Variants in ITPKB observed in about 807,000 individuals in gnomAD.
ITPKB encodes inositol-trisphosphate 3-kinase B.
ITPKB carries 13 observed loss-of-function variants against 69.4 expected under a neutral mutation model. That is an observed-to-expected ratio of 0.19 (90% CI 0.12 to 0.30). ITPKB has a LOEUF of 0.30. Among genes scored for constraint, ITPKB ranks in the 10% least tolerant of loss-of-function variants. The pLI, the probability that ITPKB is intolerant of heterozygous loss-of-function variation, is 1.00. For missense variants in ITPKB, 1,240 were observed against 1,250.5 expected (o/e 0.99, Z 0.13); for synonymous variants, 584 against 513.7 (o/e 1.14, Z -1.85).
chr1:226,737,171 G>C lies in ITPKB; in HGVS notation c.288C>G (p.Ser96Arg), dbSNP rs755020532. ...GACCAGCCCAACTTGGGCTGCTCAC[G>C]CTACTGCCGCTGCTGCCGCTGCCAC... ...SGSGSGSSGS[S>R]VSSPSWAGRL... is the part of the protein sequence containing the mutation. Residue 96 changes from serine to arginine, a missense_variant, in exon 2 of 8, where the codon AGC becomes AGG. Transcript: ENST00000429204. 3 of 1,579,144 alleles carry C rather than the reference G, an allele frequency of 1.9e-6. No homozygotes were observed. Among genetic ancestry groups the C allele is most frequent in the South Asian group, 1.1e-5 (1 of 90,148 alleles).
rs201233756 is a variant in ITPKB, at chr1:226,642,026, G to T, written c.2346C>A (p.Thr782=). ...CAGCCCGCTGTGCTTTTTCCTCCTC[G>T]GTGGGGGCCTCGGGGTCCACCTCGA... is the stretch of plus-strand genomic sequence containing the variant. ...KMIEVDPEAP[T]EEEKAQRAVT... Residue 782 remains threonine, a synonymous_variant, in exon 5 of 8, where the codon ACC becomes ACA. Transcript: ENST00000429204. The surrounding 1 kb of genome is among the most constrained non-coding windows in gnomAD (Gnocchi z 6.4). 6 of 1,614,100 alleles carry T rather than the reference G, an allele frequency of 3.7e-6. No homozygotes were observed. Among genetic ancestry groups the T allele is most frequent in the Non-Finnish European group, 4.2e-6 (5 of 1,180,050 alleles).
chr1:226,674,394 T>G (rs984334623), intron 2 of ITPKB, among the ~76,000 whole-genome samples: 1 of 152,114 alleles, frequency 6.6e-6, no homozygotes, highest in Admixed American at 6.5e-5. Context: ...AGATGGGGTT[T>G]CACCATCTTG....
intron 2 of ITPKB, among the ~76,000 whole-genome samples, chr1:226,706,185 A>G (rs1295183104): frequency 3.3e-5 from 5 of 152,254 alleles, no homozygotes. Flanking sequence ...AGGCAGTACG[A>G]AATTTAGAAA....
chr1:226,691,933 C>A (rs190788234), intron 2 of ITPKB, among the ~76,000 whole-genome samples: 1 of 152,312 alleles, frequency 6.6e-6, no homozygotes, highest in African/African-American at 2.4e-5. Context: ...CACCTGGAGT[C>A]TGTAGCACTC....
intron 2 of ITPKB, among the ~76,000 whole-genome samples, chr1:226,680,584 C>CA (rs1656061942): frequency 6.6e-6 from 1 of 152,078 alleles, no homozygotes; most frequent in Non-Finnish European, 1.5e-5. Context: ...AAATATCCCA[C>CA]AGTACAAGAA....
rs1668763223 is a variant in ITPKB, at chr1:226,633,341, C to T, written c.*1330G>A. On this transcript the variant is annotated 3_prime_UTR_variant, in exon 8 of 8. Transcript: ENST00000429204. The stretch of plus-strand genomic sequence containing the variant: ...ACTCTCCCAGCTCCTGTACCTCTGA[C>T]AGCAAAGGAGTGGGTGGCAAGCCCC... The T allele has an allele frequency of 6.6e-6, 1 of 152,240 alleles. No individual in the cohort carries two copies. The highest frequency in any genetic ancestry group is 2.1e-4 in the South Asian group (1 of 4,826). The allele number at this position is 152,240 out of a possible 1,614,324, so 9.4% of individuals were successfully genotyped here.
chr1:226,734,600 C>A (rs1050414421), intron 2 of ITPKB, among the ~76,000 whole-genome samples: 5 of 152,210 alleles, frequency 3.3e-5, no homozygotes, highest in African/African-American at 4.8e-5. Context: ...CAGACCTTTT[C>A]AGAAGTGCTA....
intron 7 of ITPKB, among the ~76,000 whole-genome samples, chr1:226,635,525 G>A (rs966417979): frequency 6.6e-6 from 1 of 152,108 alleles, no homozygotes; most frequent in Non-Finnish European, 1.5e-5. Flanking sequence ...ACTGCACCTG[G>A]GCAAACTTTC....
chr1:226,735,915 T>G lies in ITPKB; in HGVS notation c.1544A>C (p.Lys515Thr). ...NSRVWQGTMEKAGLAWTRGTG... is the reference protein window; with the variant it reads ...NSRVWQGTMETAGLAWTRGTG... ...GCCACGCGTCCAAGCCAAACCGGCT[T>G]TCTCCATGGTGCCCTGCCAAACCCT... The change falls in exon 2 of 8, where the codon AAA becomes ACA. Residue 515 changes from lysine (K) to threonine (T), a missense_variant. By Grantham distance (78) the Lys-to-Thr change is moderately conservative (BLOSUM62 -1). Transcript: ENST00000429204. 6.2e-7 allele frequency: 1 copy of G among 1,613,710 alleles called. No individual in the cohort carries two copies.
chr1:226,642,248 T>A lies in ITPKB; in HGVS notation c.2247-123A>T, dbSNP rs1409402941. The A allele has an allele frequency of 1.4e-6, 1 of 736,416 alleles. No homozygotes were observed. Among genetic ancestry groups the A allele is most frequent in the Non-Finnish European group, 2.2e-6 (1 of 445,062 alleles). 45.6% of individuals were successfully genotyped at this position (736,416 alleles called of 1,614,324 possible). ...TGCCCAACAGCTGCAGTCAGCTCAG[T>A]GCCCTGAGTCAAGGCACGTCTTTCC... On this transcript the variant is annotated intron_variant, in intron 4 of 7. Coordinates refer to ENST00000429204, the MANE Select transcript of ITPKB (RefSeq NM_002221.4). The surrounding 1 kb of genome is among the most constrained non-coding windows in gnomAD (Gnocchi z 6.4).
intron 2 of ITPKB, among the ~76,000 whole-genome samples, chr1:226,689,679 T>C (rs1035479593): frequency 2.0e-5 from 3 of 151,978 alleles, no homozygotes; most frequent in South Asian, 2.1e-4. Flanking sequence ...GGTAAACTTT[T>C]GTCATGGGGG....
chr1:226,713,529 C>T (rs534327239), intron 2 of ITPKB, among the ~76,000 whole-genome samples: 1 of 152,366 alleles, frequency 6.6e-6, no homozygotes, highest in East Asian at 1.9e-4. Flanking sequence ...TATCTCCTCA[C>T]CCCAGGGCCA....
At chr1:226,666,883 A>G (rs987514015) in intron 2 of ITPKB, among the ~76,000 whole-genome samples, 5 of 152,110 alleles carry the variant, frequency 3.3e-5, no homozygotes, top group African/African-American at 9.7e-5. Context: ...TGGACTCTCA[A>G]GGGCTCTCGC....
intron 2 of ITPKB, among the ~76,000 whole-genome samples, chr1:226,662,672 C>T (rs1457338692): frequency 1.3e-5 from 2 of 152,206 alleles, no homozygotes; most frequent in Non-Finnish European, 2.9e-5. Flanking sequence ...TTTGGGAACT[C>T]CCACTTAAGG....
At chr1:226,686,594 C>G (rs1656221714) in intron 2 of ITPKB, among the ~76,000 whole-genome samples, 1 of 152,294 alleles carries the variant, frequency 6.6e-6, no homozygotes, top group South Asian at 2.1e-4. Flanking sequence ...GTGTAACGTG[C>G]CCTCCATCCC....
chr1:226,705,799 C>CT (rs1156555555), intron 2 of ITPKB, among the ~76,000 whole-genome samples: 1 of 152,198 alleles, frequency 6.6e-6, no homozygotes, highest in Non-Finnish European at 1.5e-5. Flanking sequence ...GAGGACAGAT[C>CT]TTTGAGGCCC....
At position 226,647,599 on chromosome 1, in the gene ITPKB, G is replaced by A. The variant is rs569446991; in HGVS notation, c.2033-219C>T. The stretch of plus-strand genomic sequence containing the variant: ...TCTGAGCTGGTTCCCCAGCTTCCTT[G>A]ACTCCAGACTCCTCCTCACCAGTGT... On this transcript the variant is annotated intron_variant, in intron 3 of 7. Coordinates refer to ENST00000429204, the MANE Select transcript of ITPKB (RefSeq NM_002221.4). Among the ~76,000 whole-genome samples, 422 of 152,332 alleles carry A rather than the reference G, an allele frequency of 2.8e-3. 2 individuals are homozygous for A. The highest frequency in any genetic ancestry group is 9.3e-3 in the African/African-American group (387 of 41,572).
chr1:226,683,792 TGGA>T (rs1219869911), intron 2 of ITPKB, among the ~76,000 whole-genome samples: 1 of 152,140 alleles, frequency 6.6e-6, no homozygotes, highest in Non-Finnish European at 1.5e-5. Context: ...AAGGACAGGC[TGGA>T]GGAGGACTCA....
At chr1:226,649,327 GTGTGTGCGTA>G (rs1669124998) in intron 2 of ITPKB, among the ~76,000 whole-genome samples, 1 of 147,432 alleles carries the variant, frequency 6.8e-6, no homozygotes, top group African/African-American at 2.6e-5. Flanking sequence ...GTGTGCATGA[GTGTGTGCGTA>G]TGTGTGCATA....
Sources: allele counts gnomAD v4.1 joint callset (sites outside exome capture counted in the v4.1 genomes callset), GRCh38; gene constraint gnomAD v4.1.1; non-coding constraint Gnocchi (gnomAD v3.1); transcripts MANE v1.5; gene names NCBI Gene and HGNC (gene_info 2026-07-23, HGNC 2026-07-21).